The following ETF1 variants were observed in gnomAD, a reference collection of about 807,000 sequenced individuals.
ETF1 encodes eukaryotic peptide chain release factor subunit 1.
A neutral mutation model predicts 55.1 loss-of-function variants in ETF1; 4 were observed. The observed-to-expected ratio is 0.07, with a 90% CI of 0.04 to 0.17. The LOEUF (loss-of-function observed/expected upper bound fraction) is 0.17, where lower values mean the gene tolerates loss of function less well. Ranked by LOEUF, ETF1 falls within the 10% of genes least tolerant of loss-of-function variation. The pLI, the probability that ETF1 is intolerant of heterozygous loss-of-function variation, is 1.00. For missense variants in ETF1, 142 were observed against 523.6 expected, an observed-to-expected ratio of 0.27 and a Z score of 7.11; for synonymous variants, 157 against 182.3, an observed-to-expected ratio of 0.86 and a Z score of 1.12.
chr5:138,511,242 C>T (rs1377646512), intron 7 of ETF1, 42 bp from the exon 8 acceptor site: 1 of 1,600,950 alleles, frequency 6.2e-7, no homozygotes, highest in East Asian at 2.2e-5. Flanking sequence ...ATTAAAGTTT[C>T]CCTAGTAGAT....
chr5:138,514,653 G>C (rs1204452843), intron 4 of ETF1, among the ~76,000 whole-genome samples: 1 of 151,588 alleles, frequency 6.6e-6, no homozygotes, highest in Non-Finnish European at 1.5e-5. Context: ...CAGCCTCGAA[G>C]TCTTGGACTC....
chr5:138,519,239 G>A, intron 2 of ETF1: 2 of 975,768 alleles, frequency 2.0e-6, no homozygotes, highest in Non-Finnish European at 2.4e-6. Flanking sequence ...TGGTGGTTGA[G>A]TGGGAGACGC....
intron 2 of ETF1, among the ~76,000 whole-genome samples, chr5:138,537,543 C>G (rs1025170231): frequency 9.9e-5 from 15 of 152,080 alleles, no homozygotes; most frequent in Non-Finnish European, 1.9e-4. Flanking sequence ...TTAAAATAGT[C>G]TAGTTCTTGA....
chr5:138,534,853 C>CT (rs1387428005), intron 2 of ETF1, among the ~76,000 whole-genome samples: 1 of 151,658 alleles, frequency 6.6e-6, no homozygotes, highest in Non-Finnish European at 1.5e-5. Flanking sequence ...CCTGTATGTA[C>CT]TTTAATTTCT....
rs1410432399 is a variant in ETF1, at chr5:138,506,383, G to A, written c.*1922C>T. 1 of 152,530 alleles carries A rather than the reference G, an allele frequency of 6.6e-6. No homozygotes were observed. Among genetic ancestry groups the A allele is most frequent in the African/African-American group, 2.4e-5 (1 of 41,398 alleles). 9.4% of individuals were successfully genotyped at this position (152,530 alleles called of 1,614,324 possible). On this transcript the variant is annotated 3_prime_UTR_variant, in exon 11 of 11. Coordinates refer to ENST00000360541, the MANE Select transcript of ETF1 (RefSeq NM_004730.4). ...AGTAAAAATAAAAACTACAAAAGGA[G>A]CTGCATACCCTAAATGTATCATGTG...
At chr5:138,512,258 A>ATATTTT (rs1484458741) in intron 6 of ETF1, among the ~76,000 whole-genome samples, 18 of 20,016 alleles carry the variant, frequency 9.0e-4, no homozygotes, top group African/African-American at 2.3e-3. Flanking sequence ...ATATATATAT[A>ATATTTT]TTTTTTTTTT....
chr5:138,521,573 C>A (rs181715931), intron 2 of ETF1, among the ~76,000 whole-genome samples: 227 of 152,298 alleles, frequency 1.5e-3, no homozygotes, highest in Non-Finnish European at 2.6e-3. Context: ...GTTGCCCAGG[C>A]TGGAGTGCAG....
At chr5:138,523,085 T>C (rs1470201317) in intron 2 of ETF1, among the ~76,000 whole-genome samples, 2 of 151,956 alleles carry the variant, frequency 1.3e-5, no homozygotes, top group East Asian at 3.9e-4. Context: ...ACACATATTG[T>C]AGACAGGGCA....
chr5:138,516,136 G>A (rs1217815057), intron 4 of ETF1, among the ~76,000 whole-genome samples: 2 of 152,102 alleles, frequency 1.3e-5, no homozygotes, highest in Non-Finnish European at 2.9e-5. Flanking sequence ...AAAAGTTTCA[G>A]GGGAAAGGGG....
rs1240775233 is a variant in ETF1, at chr5:138,508,758, T to C, written c.1142A>G (p.Asn381Ser). Residue 381 changes from asparagine (N) to serine (S), a missense_variant, in exon 10 of 11, where the codon AAC (asparagine) becomes AGC (serine). Asn to Ser is a conservative substitution (Grantham distance 46). Coordinates refer to ENST00000360541, the MANE Select transcript of ETF1 (RefSeq NM_004730.4). ...SMPLLEWFAN[N>S]YKKFGATLEI... ...CAACGTAGCTCCAAATTTTTTATAGTTGTTAGCAAACCATTCCAACAGGGG... is the reference window on the plus strand; with the variant it reads ...CAACGTAGCTCCAAATTTTTTATAGCTGTTAGCAAACCATTCCAACAGGGG... 2 of 1,613,960 alleles carry C rather than the reference T, an allele frequency of 1.2e-6. No individual in the cohort carries two copies. Among genetic ancestry groups the C allele is most frequent in the African/African-American group, 2.7e-5 (2 of 74,922 alleles).
intron 2 of ETF1, among the ~76,000 whole-genome samples, chr5:138,529,338 G>A (rs895314320): frequency 6.6e-6 from 1 of 152,170 alleles, no homozygotes; most frequent in Non-Finnish European, 1.5e-5. Flanking sequence ...GTCTTTTAAA[G>A]TGAACACCCT....
At chr5:138,530,449 T>C (rs1274709517) in intron 2 of ETF1, among the ~76,000 whole-genome samples, 1 of 151,972 alleles carries the variant, frequency 6.6e-6, no homozygotes, top group African/African-American at 2.4e-5. Context: ...AGCTAATTGT[T>C]GTATTTTTAG....
chr5:138,534,849 T>G (rs977148252), intron 2 of ETF1, among the ~76,000 whole-genome samples: 1 of 152,176 alleles, frequency 6.6e-6, no homozygotes, highest in Non-Finnish European at 1.5e-5. Context: ...ACTCCCTGTA[T>G]GTACTTTAAT....
intron 2 of ETF1, among the ~76,000 whole-genome samples, chr5:138,524,550 CT>C (rs1765377432): frequency 1.4e-5 from 2 of 143,202 alleles, no homozygotes; most frequent in African/African-American, 5.1e-5. Flanking sequence ...GAAACTGTGT[CT>C]CTTAAAAAAA....
chr5:138,537,350 A>C (rs955358721), intron 2 of ETF1, among the ~76,000 whole-genome samples: 2 of 152,238 alleles, frequency 1.3e-5, no homozygotes, highest in Non-Finnish European at 2.9e-5. Context: ...AAAAGGAAAG[A>C]GCTAACATTA....
Position 138,542,649 on chromosome 5 carries a change from G to A in ETF1, c.86+184C>T, listed in dbSNP as rs988678600. On this transcript the variant is annotated intron_variant, in intron 2 of 10. Coordinates refer to ENST00000360541, the MANE Select transcript of ETF1 (RefSeq NM_004730.4). ...GGCCCCTTACCCCCATGCGGGGAAA[G>A]GACCCCTTCTCGGGCCAACCGCGCC... 1.3e-5 allele frequency: 18 copies of A among 1,429,958 alleles called. No individual in the cohort carries two copies. In the East Asian group the frequency reaches 2.3e-4, roughly 18 times the overall value. The allele number at this position is 1,429,958 out of a possible 1,614,324, so 88.6% of individuals were successfully genotyped here.
intron 9 of ETF1, chr5:138,509,183 TG>T (rs2127060752): frequency 1.0e-5 from 10 of 985,228 alleles, no homozygotes; most frequent in Non-Finnish European, 1.2e-5. Flanking sequence ...CTTTTGGGAG[TG>T]GCCTCGTAGA....
chr5:138,525,115 A>T (rs1765412934), intron 2 of ETF1, among the ~76,000 whole-genome samples: 1 of 152,052 alleles, frequency 6.6e-6, no homozygotes, highest in Admixed American at 6.6e-5. Flanking sequence ...AATTATCAAT[A>T]AATTCTAATT....
At chr5:138,538,571 GTCT>G (rs1766044672) in intron 2 of ETF1, among the ~76,000 whole-genome samples, 1 of 151,998 alleles carries the variant, frequency 6.6e-6, no homozygotes, top group African/African-American at 2.4e-5. Context: ...GACAAAAAAA[GTCT>G]TCTTTATGAG....
Sources: allele counts gnomAD v4.1 joint callset (sites outside exome capture counted in the v4.1 genomes callset), GRCh38; gene constraint gnomAD v4.1.1; transcripts MANE v1.5; gene names NCBI Gene and HGNC (gene_info 2026-07-23, HGNC 2026-07-21).